The following NDUFS4 variants were observed in gnomAD, a reference collection of about 807,000 sequenced individuals.
The protein encoded by NDUFS4 is NADH dehydrogenase [ubiquinone] iron-sulfur protein 4, mitochondrial.
A neutral mutation model predicts 24.3 loss-of-function variants in NDUFS4; 28 were observed. The observed-to-expected ratio is 1.15, with a 90% CI of 0.85 to 1.58. NDUFS4 has a LOEUF of 1.58. Ranked by LOEUF, NDUFS4 falls within the 40% of genes most tolerant of loss-of-function variation. NDUFS4 has a pLI of 0.00. For missense variants in NDUFS4, 223 were observed against 207.9 expected, an observed-to-expected ratio of 1.07 and a Z score of -0.45; for synonymous variants, 93 against 69.7, an observed-to-expected ratio of 1.34 and a Z score of -1.67.
chr5:53,576,142 C>A (rs1355715221), intron 1 of NDUFS4, among the ~76,000 whole-genome samples: 1 of 152,192 alleles, frequency 6.6e-6, no homozygotes, highest in Non-Finnish European at 1.5e-5. Context: ...GAAATAGATA[C>A]AGTCATATGT....
intron 4 of NDUFS4, among the ~76,000 whole-genome samples, chr5:53,672,605 GTTT>G (rs11333312): frequency 6.6e-6 from 1 of 151,036 alleles, no homozygotes; most frequent in Non-Finnish European, 1.5e-5. Context: ...TGAAACAAAG[GTTT>G]TTTTTTTCTA....
intron 1 of NDUFS4, among the ~76,000 whole-genome samples, chr5:53,597,161 T>TGTCAATTCCTC (rs745769721): frequency 1.1e-4 from 16 of 152,170 alleles, no homozygotes; most frequent in Non-Finnish European, 2.1e-4. Flanking sequence ...TGCTATTGGC[T>TGTCAATTCCTC]GTCAATTCCT....
chr5:53,660,289 G>T (rs1216877055), intron 4 of NDUFS4, among the ~76,000 whole-genome samples: 2 of 151,824 alleles, frequency 1.3e-5, no homozygotes, highest in African/African-American at 4.8e-5. Flanking sequence ...TGAGAATGAT[G>T]GTTTCCAGCT....
At chr5:53,655,636 TA>T (rs1752139298) in intron 3 of NDUFS4, among the ~76,000 whole-genome samples, 1 of 152,164 alleles carries the variant, frequency 6.6e-6, no homozygotes, top group Non-Finnish European at 1.5e-5. Flanking sequence ...AATATAGAGA[TA>T]ACAATAATCT....
intron 2 of NDUFS4, among the ~76,000 whole-genome samples, chr5:53,627,856 A>G (rs941188691): frequency 6.6e-6 from 1 of 152,216 alleles, no homozygotes; most frequent in East Asian, 1.9e-4. Flanking sequence ...CTCTTTTCCT[A>G]ATTGAATACC....
At chr5:53,624,602 G>A (rs796123719) in intron 2 of NDUFS4, among the ~76,000 whole-genome samples, 4 of 152,094 alleles carry the variant, frequency 2.6e-5, no homozygotes, top group African/African-American at 9.6e-5. Flanking sequence ...ATTGTAAATG[G>A]GATTGTTTTT....
At chr5:53,596,234 C>G (rs980534973) in intron 1 of NDUFS4, among the ~76,000 whole-genome samples, 2 of 151,578 alleles carry the variant, frequency 1.3e-5, no homozygotes, top group Non-Finnish European at 2.9e-5. Flanking sequence ...AGTTCAAGAC[C>G]AGCCTAGGCA....
chr5:53,683,294 A>C lies in NDUFS4; in HGVS notation c.*73A>C, dbSNP rs1164692232. 1.9e-6 allele frequency: 2 copies of C among 1,032,726 alleles called. No homozygotes were observed. Among genetic ancestry groups the C allele is most frequent in the Non-Finnish European group, 1.5e-6 (1 of 653,762 alleles). The allele number at this position is 1,032,726 out of a possible 1,614,324, so 64.0% of individuals were successfully genotyped here. The stretch of plus-strand genomic sequence containing the variant: ...GCAGTATTTATAGTCCATGTATAAT[A>C]AATACATCTCTTAATCTCCTAATAA... On this transcript the variant is annotated 3_prime_UTR_variant, in exon 5 of 5. Transcript: ENST00000296684.
intron 2 of NDUFS4, among the ~76,000 whole-genome samples, chr5:53,613,099 T>C (rs1222732496): frequency 6.6e-6 from 1 of 152,078 alleles, no homozygotes; most frequent in African/African-American, 2.4e-5. Context: ...TTACTTTTTT[T>C]TTCCCCCTCT....
At chr5:53,654,491 CAA>C (rs756536082) in intron 3 of NDUFS4, among the ~76,000 whole-genome samples, 5 of 151,842 alleles carry the variant, frequency 3.3e-5, no homozygotes, top group Non-Finnish European at 7.4e-5. Context: ...TTTAAAATAA[CAA>C]AAGTGTTTAT....
chr5:53,617,385 TCC>T (rs1372624661), intron 2 of NDUFS4, among the ~76,000 whole-genome samples: 1 of 152,160 alleles, frequency 6.6e-6, no homozygotes, highest in African/African-American at 2.4e-5. Context: ...CATCTCTCTC[TCC>T]CTTTCTGGCT....
Position 53,664,399 on chromosome 5 carries a change from TCTC to T in NDUFS4, c.424+5778_424+5780del, listed in dbSNP as rs567806277. On this transcript the variant is annotated intron_variant, in intron 4 of 4. Transcript: ENST00000296684. Reference sequence around the variant, plus strand: ...GCCTGCTTTGCTAGATTGGGGAAGTTCTCCTGGATAATATCCTGCAGAGTGTTT... The same window carrying T: ...GCCTGCTTTGCTAGATTGGGGAAGTTCTGGATAATATCCTGCAGAGTGTTT... 6.4e-3 allele frequency among the ~76,000 whole-genome samples: 972 copies of T among 152,304 alleles called. 12 individuals are homozygous for T. Among genetic ancestry groups the T allele is most frequent in the African/African-American group, 0.022 (900 of 41,562 alleles).
intron 2 of NDUFS4, among the ~76,000 whole-genome samples, chr5:53,641,145 T>C (rs533638717): frequency 6.6e-6 from 1 of 152,180 alleles, no homozygotes; most frequent in Admixed American, 6.5e-5. Context: ...AGGTAACCAC[T>C]TCACATATGT....
intron 2 of NDUFS4, among the ~76,000 whole-genome samples, chr5:53,624,553 T>A (rs1466632762): frequency 6.6e-6 from 1 of 152,250 alleles, no homozygotes. Flanking sequence ...TCTTTCGTTT[T>A]CTAAGTTTGT....
chr5:53,660,614 C>T (rs528832145), intron 4 of NDUFS4, among the ~76,000 whole-genome samples: 4 of 152,198 alleles, frequency 2.6e-5, no homozygotes, highest in South Asian at 2.1e-4. Context: ...GCAGTCCCAC[C>T]GACAGTGTAA....
chr5:53,660,486 A>G (rs971593050), intron 4 of NDUFS4, among the ~76,000 whole-genome samples: 2 of 152,170 alleles, frequency 1.3e-5, no homozygotes, highest in Non-Finnish European at 2.9e-5. Flanking sequence ...TTACAGCAGC[A>G]TGATTTATAA....
Position 53,585,959 on chromosome 5 carries a change from C to A in NDUFS4, c.99-17493C>A, listed in dbSNP as rs563349254. ...CCAAGTACATTAAATTTGTAGACAT[C>A]CATTTTTAAAATTGTATTTTAAAAT... On this transcript the variant is annotated intron_variant, in intron 1 of 4. Transcript: ENST00000296684. 2.6e-4 allele frequency among the ~76,000 whole-genome samples: 40 copies of A among 152,140 alleles called. 1 individual carries two copies. In the South Asian group the frequency reaches 5.4e-3, roughly 21 times the overall value.
chr5:53,562,008 C>G (rs569930885), intron 1 of NDUFS4, among the ~76,000 whole-genome samples: 1 of 151,362 alleles, frequency 6.6e-6, no homozygotes, highest in Non-Finnish European at 1.5e-5. Flanking sequence ...CTTTTTCTTT[C>G]TCTTTTTTTT....
intron 4 of NDUFS4, among the ~76,000 whole-genome samples, chr5:53,675,854 C>G (rs1360114139): frequency 6.6e-6 from 1 of 152,166 alleles, no homozygotes; most frequent in Admixed American, 6.6e-5. Context: ...CAGCAGAGTT[C>G]TCTTACTGCT....
Sources: allele counts gnomAD v4.1 joint callset (sites outside exome capture counted in the v4.1 genomes callset), GRCh38; gene constraint gnomAD v4.1.1; transcripts MANE v1.5; gene names NCBI Gene and HGNC (gene_info 2026-07-23, HGNC 2026-07-21).